Variants in HCN1 observed in about 807,000 individuals in gnomAD.
HCN1 encodes potassium/sodium hyperpolarization-activated cyclic nucleotide-gated channel 1.
In HCN1, 13 loss-of-function variants were observed where a neutral mutation model predicts 78.9. The observed-to-expected ratio is 0.16, with a 90% CI of 0.11 to 0.26. HCN1 has a LOEUF of 0.26. Ranked by LOEUF, HCN1 falls within the 10% of genes least tolerant of loss-of-function variation. HCN1 has a pLI of 1.00. For synonymous variants in HCN1, 552 were observed against 455.5 expected (o/e 1.21, Z -2.70); for missense variants, 810 against 1,154.3 (o/e 0.70, Z 4.32).
chr5:45,611,233 G>A (rs1490334810), intron 2 of HCN1, among the ~76,000 whole-genome samples: 4 of 121,506 alleles, frequency 3.3e-5, no homozygotes, highest in Non-Finnish European at 7.3e-5. Flanking sequence ...TGTATTTTTT[G>A]TAGAGATGAG....
chr5:45,486,351 T>C (rs970243024), intron 2 of HCN1, among the ~76,000 whole-genome samples: 1 of 152,162 alleles, frequency 6.6e-6, no homozygotes, highest in South Asian at 2.1e-4. Flanking sequence ...TGTCAAATTG[T>C]ACCATACTGG....
intron 2 of HCN1, among the ~76,000 whole-genome samples, chr5:45,589,619 A>T (rs1744319695): frequency 6.6e-6 from 1 of 152,216 alleles, no homozygotes; most frequent in South Asian, 2.1e-4. Flanking sequence ...CACAAATTTT[A>T]AACTCCAAAA....
At chr5:45,353,035 T>C in intron 5 of HCN1, 65 bp downstream of exon 5, 1 of 1,392,088 alleles carries the variant, frequency 7.2e-7, no homozygotes, top group Non-Finnish European at 1.0e-6. Context: ...ACTAGAAGAT[T>C]CTCCATGAAG....
intron 5 of HCN1, among the ~76,000 whole-genome samples, chr5:45,313,018 G>T (rs1392451393): frequency 6.6e-6 from 1 of 152,160 alleles, no homozygotes; most frequent in Non-Finnish European, 1.5e-5. Flanking sequence ...GAAGACAGTA[G>T]TGGTTCTCCC....
At chr5:45,266,545 G>A (rs377502577) in intron 7 of HCN1, among the ~76,000 whole-genome samples, 6 of 151,994 alleles carry the variant, frequency 3.9e-5, no homozygotes, top group African/African-American at 7.2e-5. Flanking sequence ...GGCATCAGTC[G>A]GGAAATCAGT....
At chr5:45,263,425 C>A (rs1175739807) in intron 7 of HCN1, among the ~76,000 whole-genome samples, 2 of 152,152 alleles carry the variant, frequency 1.3e-5, no homozygotes, top group Non-Finnish European at 2.9e-5. Flanking sequence ...GATTGCACAT[C>A]CTTGCTATGG....
At chr5:45,492,326 G>A (rs997549297) in intron 2 of HCN1, among the ~76,000 whole-genome samples, 2 of 149,612 alleles carry the variant, frequency 1.3e-5, no homozygotes, top group African/African-American at 2.5e-5. Context: ...GTGTGTGAGA[G>A]AGAGAGGATA....
intron 2 of HCN1, among the ~76,000 whole-genome samples, chr5:45,475,937 C>A (rs949092737): frequency 6.6e-6 from 1 of 152,022 alleles, no homozygotes; most frequent in Non-Finnish European, 1.5e-5. Flanking sequence ...CAGATATATC[C>A]AAGAGGCCAA....
At chr5:45,556,330 T>A (rs1247832416) in intron 2 of HCN1, among the ~76,000 whole-genome samples, 2 of 151,956 alleles carry the variant, frequency 1.3e-5, no homozygotes, top group Non-Finnish European at 2.9e-5. Flanking sequence ...ACCAAGGAAC[T>A]CTAGATGTCG....
intron 2 of HCN1, among the ~76,000 whole-genome samples, chr5:45,494,703 G>A (rs1364482850): frequency 1.3e-5 from 2 of 151,966 alleles, no homozygotes; most frequent in East Asian, 3.9e-4. Flanking sequence ...GTAATGCCTA[G>A]GTTTTCTTCT....
intron 6 of HCN1, among the ~76,000 whole-genome samples, chr5:45,280,977 G>T (rs1745150159): frequency 6.6e-6 from 1 of 150,612 alleles, no homozygotes; most frequent in African/African-American, 2.4e-5. Flanking sequence ...GGATAAAATA[G>T]ATTTCTGCTA....
intron 6 of HCN1, among the ~76,000 whole-genome samples, chr5:45,267,800 T>C (rs1744891249): frequency 6.6e-6 from 1 of 152,044 alleles, no homozygotes; most frequent in East Asian, 1.9e-4. Context: ...AAAAACATGG[T>C]TGAGACTTTT....
chr5:45,529,801 CATCAATTGCAAATAAT>C (rs1742803152), intron 2 of HCN1, among the ~76,000 whole-genome samples: 2 of 151,976 alleles, frequency 1.3e-5, no homozygotes. Context: ...TTTACAGCAC[CATCAATTGCAAATAAT>C]CAATTATAAA....
chr5:45,378,244 C>T (rs569979510), intron 4 of HCN1, among the ~76,000 whole-genome samples: 53 of 152,016 alleles, frequency 3.5e-4, no homozygotes, highest in Non-Finnish European at 5.4e-4. Context: ...GTCATTATCC[C>T]TCATCAACCC....
intron 1 of HCN1, among the ~76,000 whole-genome samples, chr5:45,679,322 T>C (rs1739658569): frequency 1.3e-5 from 2 of 152,044 alleles, no homozygotes; most frequent in African/African-American, 2.4e-5. Context: ...ACACCTGGAC[T>C]AGCACCTGGC....
chr5:45,518,686 A>T (rs1414594085), intron 2 of HCN1, among the ~76,000 whole-genome samples: 2 of 151,948 alleles, frequency 1.3e-5, no homozygotes, highest in Non-Finnish European at 2.9e-5. Context: ...ACAAATGAAA[A>T]ATTCATCCTG....
At chr5:45,631,401 G>A (rs1561226267) in intron 2 of HCN1, among the ~76,000 whole-genome samples, 1 of 152,128 alleles carries the variant, frequency 6.6e-6, no homozygotes, top group African/African-American at 2.4e-5. Flanking sequence ...ATGACTGGCA[G>A]TGGTCATGAT....
intron 6 of HCN1, among the ~76,000 whole-genome samples, chr5:45,281,221 T>TCATGGGGG (rs1745157199): frequency 6.6e-6 from 1 of 151,998 alleles, no homozygotes; most frequent in Non-Finnish European, 1.5e-5. Flanking sequence ...GGTAATTGGA[T>TCATGGGGG]CATGGGGGTG....
chr5:45,352,603 G>T (rs959547623), intron 5 of HCN1, among the ~76,000 whole-genome samples: 2 of 151,976 alleles, frequency 1.3e-5, no homozygotes, highest in African/African-American at 4.8e-5. Context: ...ATATTCTAGT[G>T]GGAAGAAGGC....
Sources: allele counts gnomAD v4.1 joint callset (sites outside exome capture counted in the v4.1 genomes callset), GRCh38; gene constraint gnomAD v4.1.1; transcripts MANE v1.5; gene names NCBI Gene and HGNC (gene_info 2026-07-23, HGNC 2026-07-21).